GCH1: variants seen among roughly 807,000 people sequenced by gnomAD.
The protein encoded by GCH1 is GTP cyclohydrolase I.
Under a neutral mutation model 25.9 loss-of-function variants are expected in GCH1, and 5 were observed. That is an observed-to-expected ratio of 0.19 (90% CI 0.10 to 0.41). The LOEUF is 0.41. GCH1 is among the 10% of genes least tolerant of loss of function. GCH1 has a pLI of 1.00. For missense variants in GCH1, 261 were observed against 336.5 expected, an observed-to-expected ratio of 0.78 and a Z score of 1.75; for synonymous variants, 159 against 129.6, an observed-to-expected ratio of 1.23 and a Z score of -1.54.
At chr14:54,857,942 C>A (rs2039836859) in intron 3 of GCH1, among the ~76,000 whole-genome samples, 1 of 152,166 alleles carries the variant, frequency 6.6e-6, no homozygotes, top group Non-Finnish European at 1.5e-5. Context: ...ATATAATATT[C>A]TTTCATGGTG....
At chr14:54,893,099 C>A (rs1285036259) in intron 1 of GCH1, among the ~76,000 whole-genome samples, 1 of 152,156 alleles carries the variant, frequency 6.6e-6, no homozygotes, top group Non-Finnish European at 1.5e-5. Context: ...AATATTTCTA[C>A]TAATGGGCTC....
rs537155658 is a variant in GCH1 at position 54,858,302 on chromosome 14, T to C, written c.509+1379A>G. ...TTCCTCTTCTTTTATTTTTATTTTTTTGAGATAGGGTCTTACTCCATCGCC... is the reference window on the plus strand; with the variant it reads ...TTCCTCTTCTTTTATTTTTATTTTTCTGAGATAGGGTCTTACTCCATCGCC... On this transcript the variant is annotated intron_variant, in intron 3 of 5. Coordinates refer to ENST00000491895, the MANE Select transcript of GCH1 (RefSeq NM_000161.3). Among the ~76,000 whole-genome samples the C allele has an allele frequency of 2.6e-5, 4 of 152,292 alleles. No individual in the cohort carries two copies. The East Asian group carries it at 5.8e-4, about 22-fold the overall frequency.
intron 1 of GCH1, among the ~76,000 whole-genome samples, chr14:54,869,638 G>A (rs932073404): frequency 6.6e-6 from 1 of 152,044 alleles, no homozygotes; most frequent in African/African-American, 2.4e-5. Context: ...ATACCACCAC[G>A]CCCAGCTAAT....
At chr14:54,870,084 T>A (rs565162321) in intron 1 of GCH1, among the ~76,000 whole-genome samples, 42 of 152,280 alleles carry the variant, frequency 2.8e-4, no homozygotes, top group Non-Finnish European at 4.9e-4. Context: ...TGGAAATAGT[T>A]CCTATCTTCA....
chr14:54,879,610 G>A (rs946060697), intron 1 of GCH1, among the ~76,000 whole-genome samples: 2 of 152,048 alleles, frequency 1.3e-5, no homozygotes, highest in East Asian at 1.9e-4. Context: ...TGTAAAAAGC[G>A]TGTAGCAGAA....
chr14:54,849,556 C>T (rs2039694202), intron 3 of GCH1, among the ~76,000 whole-genome samples: 1 of 152,144 alleles, frequency 6.6e-6, no homozygotes, highest in Admixed American at 6.5e-5. Context: ...GTATATACTG[C>T]AATTTACTAT....
chr14:54,856,504 G>C (rs981413856), intron 3 of GCH1, among the ~76,000 whole-genome samples: 2 of 152,256 alleles, frequency 1.3e-5, no homozygotes, highest in South Asian at 4.2e-4. Flanking sequence ...CGAGACTGGA[G>C]TGCAGTGGTG....
At chr14:54,871,516 G>C (rs2040077338) in intron 1 of GCH1, among the ~76,000 whole-genome samples, 2 of 152,208 alleles carry the variant, frequency 1.3e-5, no homozygotes, top group African/African-American at 4.8e-5. Context: ...TTGACGAATT[G>C]AGAGAAAAAG....
intron 2 of GCH1, among the ~76,000 whole-genome samples, chr14:54,863,915 G>A (rs575744373): frequency 6.6e-6 from 1 of 152,108 alleles, no homozygotes; most frequent in South Asian, 2.1e-4. Flanking sequence ...CTAGGATATA[G>A]TGGCGCAATC....
intron 1 of GCH1, among the ~76,000 whole-genome samples, chr14:54,894,403 A>G (rs1420297066): frequency 6.6e-6 from 1 of 152,074 alleles, no homozygotes; most frequent in South Asian, 2.1e-4. Context: ...AGCCTCCCCC[A>G]CTACAGGTTC....
intron 3 of GCH1, among the ~76,000 whole-genome samples, chr14:54,848,792 T>G (rs1456750461): frequency 1.3e-5 from 2 of 152,204 alleles, no homozygotes; most frequent in African/African-American, 4.8e-5. Flanking sequence ...AGAAATATAT[T>G]AATAGCTATA....
At chr14:54,862,439 G>A (rs2039914453) in intron 2 of GCH1, among the ~76,000 whole-genome samples, 1 of 143,808 alleles carries the variant, frequency 7.0e-6, no homozygotes, top group South Asian at 2.2e-4. Flanking sequence ...CTGGAGTGCA[G>A]TGGTGTGATC....
intron 1 of GCH1, among the ~76,000 whole-genome samples, chr14:54,883,539 C>T (rs1049101435): frequency 6.6e-5 from 10 of 151,792 alleles, no homozygotes; most frequent in African/African-American, 2.4e-4. Flanking sequence ...ATTAGCTGGG[C>T]GTGGTGGCAG....
At chr14:54,852,343 T>C (rs1336285007) in intron 3 of GCH1, among the ~76,000 whole-genome samples, 4 of 152,198 alleles carry the variant, frequency 2.6e-5, no homozygotes, top group Admixed American at 2.6e-4. Context: ...GGAAAGATAT[T>C]GATTTCCCCA....
intron 3 of GCH1, among the ~76,000 whole-genome samples, chr14:54,854,656 A>C (rs1277508256): frequency 6.6e-6 from 1 of 152,260 alleles, no homozygotes; most frequent in Non-Finnish European, 1.5e-5. Context: ...CTGCTTTAAC[A>C]TTCAGAGCTT....
intron 2 of GCH1, among the ~76,000 whole-genome samples, chr14:54,865,009 A>T (rs2039970558): frequency 6.7e-6 from 1 of 148,326 alleles, no homozygotes; most frequent in Non-Finnish European, 1.5e-5. Context: ...TAAATAAATA[A>T]AGGTTAAAGG....
intron 3 of GCH1, among the ~76,000 whole-genome samples, chr14:54,855,390 C>T (rs899082675): frequency 2.0e-5 from 3 of 151,600 alleles, no homozygotes; most frequent in South Asian, 4.2e-4. Flanking sequence ...CCTGTAATCC[C>T]AGCTACTCAG....
chr14:54,860,396 C>G (rs1279298474), intron 2 of GCH1, among the ~76,000 whole-genome samples: 1 of 152,088 alleles, frequency 6.6e-6, no homozygotes, highest in South Asian at 2.1e-4. Flanking sequence ...ATAAGTATTG[C>G]CATTCCACAC....
At chr14:54,891,802 A>G (rs2040426841) in intron 1 of GCH1, among the ~76,000 whole-genome samples, 1 of 152,206 alleles carries the variant, frequency 6.6e-6, no homozygotes, top group Admixed American at 6.5e-5. Context: ...TCCTTTGTCC[A>G]GAGCATCCAC....
Sources: gnomAD v4.1 joint callset for allele counts (sites outside exome capture counted in the v4.1 genomes callset) on GRCh38, gnomAD v4.1.1 for gene constraint, MANE v1.5 for transcripts, NCBI Gene and HGNC (gene_info 2026-07-23, HGNC 2026-07-21) for gene names.